MECOM: variants seen among roughly 807,000 people sequenced by gnomAD.
MECOM encodes the protein histone-lysine N-methyltransferase MECOM.
In MECOM, 13 loss-of-function variants were observed where a neutral mutation model predicts 116.3. The ratio of observed to expected loss-of-function variants is 0.11; its 90% CI spans 0.07 to 0.18. The LOEUF is 0.18. Ranked by LOEUF, MECOM falls within the 10% of genes least tolerant of loss-of-function variation. MECOM has a pLI of 1.00. For missense variants in MECOM, 1,299 were observed against 1,509.0 expected, an observed-to-expected ratio of 0.86 and a Z score of 2.31; for synonymous variants, 528 against 535.2, an observed-to-expected ratio of 0.99 and a Z score of 0.19.
chr3:169,183,248 T>C (rs1052949865), intron 2 of MECOM, among the ~76,000 whole-genome samples: 2 of 152,188 alleles, frequency 1.3e-5, no homozygotes, highest in African/African-American at 4.8e-5. Context: ...CTGGACTCCA[T>C]GGAATGAAGA....
chr3:169,601,014 A>G (rs1767773960), intron 1 of MECOM, among the ~76,000 whole-genome samples: 1 of 152,236 alleles, frequency 6.6e-6, no homozygotes, highest in Admixed American at 6.5e-5. Flanking sequence ...CTCCATTTCT[A>G]CATCTGGAGA....
In MECOM at chr3:169,586,900, G is replaced by C. The variant is rs1036698838; in HGVS notation, c.37+76436C>G. On this transcript the variant is annotated intron_variant, in intron 1 of 16. Transcript: ENST00000651503. ...TACTAGGTATCAGCAGTTAGTGCTGGCATATCTGTAGTAATCGTAGAAGAA... is the reference window on the plus strand; with the variant it reads ...TACTAGGTATCAGCAGTTAGTGCTGCCATATCTGTAGTAATCGTAGAAGAA... 3.9e-5 allele frequency among the ~76,000 whole-genome samples: 6 copies of C among 152,282 alleles called. No individual in the cohort carries two copies. The East Asian group carries it at 9.6e-4, about 24-fold the overall frequency.
At chr3:169,132,951 A>G (rs1560237665) in intron 3 of MECOM, among the ~76,000 whole-genome samples, 1 of 151,536 alleles carries the variant, frequency 6.6e-6, no homozygotes, top group African/African-American at 2.4e-5. Context: ...ATGGGATTTC[A>G]CTGTGTTACT....
chr3:169,499,043 GAT>G (rs977705528), intron 1 of MECOM, among the ~76,000 whole-genome samples: 1 of 151,824 alleles, frequency 6.6e-6, no homozygotes, highest in African/African-American at 2.4e-5. Flanking sequence ...AATGTAAAGA[GAT>G]AAAGATATTT....
intron 1 of MECOM, among the ~76,000 whole-genome samples, chr3:169,511,465 T>A (rs879220044): frequency 1.8e-4 from 28 of 152,324 alleles, no homozygotes; most frequent in South Asian, 2.1e-4. Flanking sequence ...AAACCTTTTT[T>A]AAAAAGTATT....
chr3:169,330,746 G>A (rs566788403), intron 2 of MECOM, among the ~76,000 whole-genome samples: 27 of 151,730 alleles, frequency 1.8e-4, no homozygotes, highest in Non-Finnish European at 3.7e-4. Flanking sequence ...GTAATCTGTA[G>A]AAAAGAAATT....
chr3:169,516,095 C>T (rs1003245005), intron 1 of MECOM, among the ~76,000 whole-genome samples: 18 of 152,046 alleles, frequency 1.2e-4, no homozygotes, highest in African/African-American at 4.3e-4. Flanking sequence ...GAAAAAAACT[C>T]GAAACCTTGA....
At chr3:169,282,400 C>T (rs2149680482) in intron 2 of MECOM, among the ~76,000 whole-genome samples, 1 of 152,222 alleles carries the variant, frequency 6.6e-6, no homozygotes. Flanking sequence ...GCTGCATAGA[C>T]CTACAATTAG....
chr3:169,322,025 G>A (rs1001787878), intron 2 of MECOM, among the ~76,000 whole-genome samples: 2 of 152,142 alleles, frequency 1.3e-5, no homozygotes, highest in Non-Finnish European at 2.9e-5. Context: ...CTCCAGCTTT[G>A]CTTACATAAT....
At chr3:169,229,914 C>G (rs1462445767) in intron 2 of MECOM, among the ~76,000 whole-genome samples, 1 of 151,762 alleles carries the variant, frequency 6.6e-6, no homozygotes, top group African/African-American at 2.4e-5. Flanking sequence ...GTTGATTAAA[C>G]CAAAATAAAA....
chr3:169,416,289 G>C (rs1738578945), intron 1 of MECOM, among the ~76,000 whole-genome samples: 1 of 152,072 alleles, frequency 6.6e-6, no homozygotes, highest in African/African-American at 2.4e-5. Context: ...GGTAAATAAT[G>C]AAATTAAGGC....
At chr3:169,113,010 C>T (rs1727940670) in intron 8 of MECOM, 136 bp from the exon 9 acceptor site, 1 of 609,856 alleles carries the variant, frequency 1.6e-6, no homozygotes. Flanking sequence ...ACTATAGAGA[C>T]ATCTGTCCAG....
At chr3:169,657,260 A>T (rs780919953) in intron 1 of MECOM, among the ~76,000 whole-genome samples, 1 of 152,238 alleles carries the variant, frequency 6.6e-6, no homozygotes, top group Non-Finnish European at 1.5e-5. Context: ...TTCTGAACTT[A>T]GTTGGGGTTT....
chr3:169,510,506 G>A (rs981927315), intron 1 of MECOM, among the ~76,000 whole-genome samples: 4 of 152,190 alleles, frequency 2.6e-5, no homozygotes, highest in African/African-American at 2.4e-5. Flanking sequence ...AACACAATGC[G>A]AGCTGACATC....
At chr3:169,143,960 A>G in intron 2 of MECOM, 128 bp from the exon 3 acceptor site, 1 of 1,102,968 alleles carries the variant, frequency 9.1e-7, no homozygotes, top group Non-Finnish European at 1.2e-6. Flanking sequence ...TCAGATCACA[A>G]GCACATTAAT....
intron 2 of MECOM, among the ~76,000 whole-genome samples, chr3:169,245,929 C>T (rs1415467052): frequency 1.3e-5 from 2 of 152,188 alleles, no homozygotes; most frequent in East Asian, 1.9e-4. Context: ...GCACAGCCTC[C>T]TCCATCTGGT....
rs377626481 is a variant in MECOM at position 169,542,760 on chromosome 3, G to GA, written c.37+120575dup. ...CCTTTAAAGAACAGACAACTAGCAG[G>GA]AAAAAAAAATATCCTAACTGCTGCA... On this transcript the variant is annotated intron_variant, in intron 1 of 16. Transcript: ENST00000651503. Among the ~76,000 whole-genome samples the GA allele has an allele frequency of 1.7e-4, 25 of 151,164 alleles. 1 individual carries two copies. Among genetic ancestry groups the GA allele is most frequent in the South Asian group, 6.3e-4 (3 of 4,764 alleles).
intron 2 of MECOM, among the ~76,000 whole-genome samples, chr3:169,206,364 CA>C (rs966722077): frequency 1.3e-5 from 2 of 152,082 alleles, no homozygotes; most frequent in African/African-American, 4.8e-5. Flanking sequence ...TTGATCATCC[CA>C]AAAGGTATAG....
In MECOM at chr3:169,364,089, C is replaced by T. The variant is rs115097810; in HGVS notation, c.375+17098G>A. Among the ~76,000 whole-genome samples, 670 of 151,950 alleles carry T rather than the reference C, an allele frequency of 4.4e-3. 6 individuals carry two copies. The highest frequency in any genetic ancestry group is 0.016 in the African/African-American group (648 of 41,486). The stretch of plus-strand genomic sequence containing the variant: ...TACATCTGTTCAATTAAAATGGGAA[C>T]GTGTGACATGGCCTGTACTCAGCAA... On this transcript the variant is annotated intron_variant, in intron 2 of 16. Transcript: ENST00000651503.
Sources: allele counts gnomAD v4.1 joint callset (sites outside exome capture counted in the v4.1 genomes callset), GRCh38; gene constraint gnomAD v4.1.1; transcripts MANE v1.5; gene names NCBI Gene and HGNC (gene_info 2026-07-23, HGNC 2026-07-21).